The following SLC25A48 variants were observed in gnomAD, a reference collection of about 807,000 sequenced individuals.
SLC25A48 encodes solute carrier family 25 member 48, also known as CTC-321K16.1.
SLC25A48 carries 29 observed loss-of-function variants against 32.2 expected under a neutral mutation model. The observed-to-expected ratio is 0.90, with a 90% CI of 0.67 to 1.23. The LOEUF (loss-of-function observed/expected upper bound fraction) is 1.23, where lower values mean the gene tolerates loss of function less well. Among genes scored for constraint, SLC25A48 ranks in the 50% most tolerant of loss-of-function variants. SLC25A48 has a pLI of 0.00. For synonymous variants in SLC25A48, 164 were observed against 172.3 expected (o/e 0.95, Z 0.38); for missense variants, 399 against 422.7 (o/e 0.94, Z 0.49).
intron 3 of SLC25A48, among the ~76,000 whole-genome samples, chr5:135,637,746 G>C (rs186802386): frequency 5.2e-4 from 79 of 152,290 alleles, no homozygotes; most frequent in Non-Finnish European, 1.1e-3. Flanking sequence ...CTTTGTTAAG[G>C]TGGCATCCTC....
intron 3 of SLC25A48, among the ~76,000 whole-genome samples, chr5:135,805,283 T>G (rs1432533295): frequency 6.6e-6 from 1 of 151,588 alleles, no homozygotes; most frequent in East Asian, 1.9e-4. Context: ...ATTTTTAATA[T>G]CAGTGTATGT....
intron 3 of SLC25A48, among the ~76,000 whole-genome samples, chr5:135,669,719 G>T (rs762796741): frequency 6.6e-6 from 1 of 152,190 alleles, no homozygotes; most frequent in Non-Finnish European, 1.5e-5. Context: ...CCACCCAGCA[G>T]GGAGACTCTG....
chr5:135,730,602 T>C (rs1353260209), intron 3 of SLC25A48, among the ~76,000 whole-genome samples: 5 of 152,276 alleles, frequency 3.3e-5, no homozygotes, highest in Non-Finnish European at 4.4e-5. Context: ...GGAGTGCTGC[T>C]GAAAAGATAC....
intron 3 of SLC25A48, among the ~76,000 whole-genome samples, chr5:135,661,310 G>T (rs569912220): frequency 7.9e-5 from 12 of 152,176 alleles, no homozygotes; most frequent in African/African-American, 2.7e-4. Context: ...CAGGTAGCTG[G>T]GAGCAGCTCT....
upstream of SLC25A48, among the ~76,000 whole-genome samples, chr5:135,831,787 T>C (rs1758215962): frequency 6.6e-6 from 1 of 152,130 alleles, no homozygotes; most frequent in African/African-American, 2.4e-5. Context: ...CAGAAAGTCA[T>C]CAAAGTTCAC....
In SLC25A48 at chr5:135,721,168, A is replaced by AGTAGCT. The variant is rs201623083; in HGVS notation, c.-521+86214_-521+86219dup. Among the ~76,000 whole-genome samples, 663 of 127,108 alleles carry AGTAGCT rather than the reference A, an allele frequency of 5.2e-3. 4 individuals carry two copies. The highest frequency in any genetic ancestry group is 0.019 in the African/African-American group (638 of 33,844). The allele number at this position is 127,108 out of a possible 152,430, so 83.4% of individuals were successfully genotyped here. On this transcript the variant is annotated intron_variant, in intron 3 of 10. Transcript: ENST00000646290. ...GCGATTCTCCTGCCTCAGCCTCCAG[A>AGTAGCT]GTAGCTGGGACACCATGCCTGGCCT...
At chr5:135,770,621 G>A (rs948396491) in intron 3 of SLC25A48, among the ~76,000 whole-genome samples, 12 of 151,618 alleles carry the variant, frequency 7.9e-5, no homozygotes, top group African/African-American at 2.4e-4. Flanking sequence ...CAGTGGGAGA[G>A]GATGATATTA....
At chr5:135,822,161 C>T (rs1240244263) in intron 4 of SLC25A48, 1 of 152,378 alleles carries the variant, frequency 6.6e-6, no homozygotes, top group Non-Finnish European at 1.5e-5. Flanking sequence ...GGTAAGCCCC[C>T]CCAACAGAGT....
chr5:135,887,594 G>T (rs939553852), intron 7 of SLC25A48, among the ~76,000 whole-genome samples: 29 of 152,146 alleles, frequency 1.9e-4, no homozygotes, highest in African/African-American at 7.0e-4. Context: ...AGGAATCCGC[G>T]TCTGGGAGTG....
At chr5:135,790,222 AGT>A (rs1487435055) in intron 3 of SLC25A48, among the ~76,000 whole-genome samples, 3 of 151,942 alleles carry the variant, frequency 2.0e-5, no homozygotes, top group Admixed American at 1.3e-4. Context: ...CTAATGTCAC[AGT>A]GTGTTTACAC....
At chr5:135,816,325 ATT>A (rs1757717602) in intron 4 of SLC25A48, among the ~76,000 whole-genome samples, 1 of 152,234 alleles carries the variant, frequency 6.6e-6, no homozygotes, top group Non-Finnish European at 1.5e-5. Flanking sequence ...AATATATTAC[ATT>A]AATTTGCTAC....
intron 3 of SLC25A48, among the ~76,000 whole-genome samples, chr5:135,775,665 CT>C (rs945515742): frequency 4.0e-4 from 61 of 151,092 alleles, no homozygotes; most frequent in African/African-American, 1.4e-3. Context: ...GGAGAGGATG[CT>C]ATTACTCCCA....
At chr5:135,751,558 G>T (rs1378165601) in intron 3 of SLC25A48, among the ~76,000 whole-genome samples, 2 of 152,170 alleles carry the variant, frequency 1.3e-5, no homozygotes, top group East Asian at 3.9e-4. Flanking sequence ...CACAGGTCAG[G>T]TGCAGTGGCT....
intron 1 of SLC25A48, among the ~76,000 whole-genome samples, chr5:135,594,352 C>T (rs1464737035): frequency 3.9e-5 from 6 of 152,196 alleles, no homozygotes; most frequent in Admixed American, 3.3e-4. Flanking sequence ...CCCTGACCCC[C>T]AAGTCCCATT....
At chr5:135,670,596 T>G (rs1753633343) in intron 3 of SLC25A48, among the ~76,000 whole-genome samples, 1 of 152,192 alleles carries the variant, frequency 6.6e-6, no homozygotes. Context: ...CAATTCTTCT[T>G]AGTATGGTGA....
At chr5:135,850,380 ATGAATAACCTC>A (rs753569675) in intron 2 of SLC25A48, 34 bp from the exon 3 acceptor site, 221 of 1,591,498 alleles carry the variant, frequency 1.4e-4, no homozygotes, top group Non-Finnish European at 1.3e-4. Flanking sequence ...CAGTGGGGCT[ATGAATAACCTC>A]TGCGCTGACC....
chr5:135,857,908 C>G (rs529525232), intron 4 of SLC25A48, among the ~76,000 whole-genome samples: 72 of 152,140 alleles, frequency 4.7e-4, no homozygotes, highest in Admixed American at 1.4e-3. Flanking sequence ...CTTAAAGGGC[C>G]TTAAAGGGCC....
chr5:135,871,814 C>T, intron 5 of SLC25A48, 96 bp downstream of exon 5: 1 of 1,569,616 alleles, frequency 6.4e-7, no homozygotes. Flanking sequence ...AGGGGGAGGG[C>T]AGGACACATT....
intron 3 of SLC25A48, among the ~76,000 whole-genome samples, chr5:135,660,633 T>A (rs563575291): frequency 1.4e-4 from 22 of 152,140 alleles, no homozygotes; most frequent in African/African-American, 5.1e-4. Flanking sequence ...ATGACTCAGG[T>A]TTTTTTTGTA....
Sources: gnomAD v4.1 joint callset for allele counts (sites outside exome capture counted in the v4.1 genomes callset) on GRCh38, gnomAD v4.1.1 for gene constraint, MANE v1.5 for transcripts, NCBI Gene and HGNC (gene_info 2026-07-23, HGNC 2026-07-21) for gene names.